Variants in SPATA32 observed in about 807,000 individuals in gnomAD.
The protein encoded by SPATA32 is spermatogenesis-associated protein 32.
A neutral mutation model predicts 35.4 loss-of-function variants in SPATA32; 28 were observed. The observed-to-expected ratio is 0.79, with a 90% CI of 0.59 to 1.09. SPATA32 has a LOEUF of 1.09. Among genes scored for constraint, SPATA32 ranks in the 50% least tolerant of loss-of-function variants. The pLI is 0.00. For missense variants in SPATA32, 409 were observed against 475.9 expected (o/e 0.86, Z 1.31); for synonymous variants, 168 against 196.3 (o/e 0.86, Z 1.20).
intron 1 of SPATA32, chr17:45,261,733 T>A: frequency 2.6e-6 from 1 of 382,434 alleles, no homozygotes; most frequent in East Asian, 3.8e-5. Context: ...CAAGAACCAC[T>A]GACTCTGCAG....
rs767947403 is a variant in SPATA32 at position 45,255,437 on chromosome 17, C to T, written c.745G>A (p.Ala249Thr). 4 of 1,614,088 alleles carry T rather than the reference C, an allele frequency of 2.5e-6. 1 individual carries two copies. In the South Asian group the frequency reaches 4.4e-5, roughly 18 times the overall value. ...TELITFASSLAMASSSRMDLP... is the reference protein window; with the variant it reads ...TELITFASSLTMASSSRMDLP... ...TCCATCCTGCTGGAGGAGGCCATGGCCAGGGAAGATGCAAAGGTGATTAGC... is the reference window on the plus strand; with the variant it reads ...TCCATCCTGCTGGAGGAGGCCATGGTCAGGGAAGATGCAAAGGTGATTAGC... The change falls in exon 4 of 5, where the codon GCC (alanine) becomes ACC (threonine). Residue 249 changes from alanine (A) to threonine (T), a missense_variant. Coordinates refer to ENST00000331780, the MANE Select transcript of SPATA32 (RefSeq NM_152343.3). This position sits in a 1 kb window ranked among gnomAD's most constrained non-coding sequence, Gnocchi z 5.4.
rs1455853392 is a variant in SPATA32, at chr17:45,255,506, G to T, written c.676C>A (p.Pro226Thr). 1 of 1,614,130 alleles carries T rather than the reference G, an allele frequency of 6.2e-7. No homozygotes were observed. The highest frequency in any genetic ancestry group is 1.1e-5 in the South Asian group (1 of 91,082). ...GGCGGGAGATCTGAGGACAGGAGGGGGCTTGGTGCCTGGGAGCTTGTGGTT... is the reference window on the plus strand; with the variant it reads ...GGCGGGAGATCTGAGGACAGGAGGGTGCTTGGTGCCTGGGAGCTTGTGGTT... The part of the protein sequence containing the change: ...PPTTSSQAPS[P>T]LLSSDLPPPI... Residue 226 changes from proline to threonine, a missense_variant, in exon 4 of 5, where the codon CCC (proline) becomes ACC (threonine). Coordinates refer to ENST00000331780, the MANE Select transcript of SPATA32 (RefSeq NM_152343.3). The surrounding 1 kb of genome is among the most constrained non-coding windows in gnomAD (Gnocchi z 5.4).
At position 45,256,239 on chromosome 17, in the gene SPATA32, GGT is replaced by G. The variant is rs1421735404; in HGVS notation, c.108+135_108+136del. 107 of 1,199,868 alleles carry G rather than the reference GGT, an allele frequency of 8.9e-5. No homozygotes were observed. Among genetic ancestry groups the G allele is most frequent in the Non-Finnish European group, 1.1e-4 (92 of 814,452 alleles). 74.3% of individuals were successfully genotyped at this position (1,199,868 alleles called of 1,614,324 possible). The stretch of plus-strand genomic sequence containing the variant: ...CTCTCAGAGACCTGCCCGGTGAGGG[GGT>G]GTGTGTGTGGGTGTACCCACACCGG... On this transcript the variant is annotated intron_variant, in intron 3 of 4. Coordinates refer to ENST00000331780, the MANE Select transcript of SPATA32 (RefSeq NM_152343.3). The surrounding 1 kb of genome is among the most constrained non-coding windows in gnomAD (Gnocchi z 4.7).
Position 45,256,058 on chromosome 17 carries a change from G to A in SPATA32, c.124C>T (p.Leu42=). 1 of 1,603,438 alleles carries A rather than the reference G, an allele frequency of 6.2e-7. No individual in the cohort carries two copies. The highest frequency in any genetic ancestry group is 2.2e-5 in the East Asian group (1 of 44,578). Residue 42 remains leucine, a synonymous_variant, in exon 4 of 5, where the codon CTA becomes TTA. Transcript: ENST00000331780. The surrounding 1 kb of genome is among the most constrained non-coding windows in gnomAD (Gnocchi z 4.7). ...QEEQELEADM[L]EQKPQLQVDL... is the part of the protein sequence containing the mutation. ...ACTTGGAGTTGGGGCTTCTGCTCTAGCATGTCTGCCTCCAGCTGAAATGTT... is the reference window on the plus strand; with the variant it reads ...ACTTGGAGTTGGGGCTTCTGCTCTAACATGTCTGCCTCCAGCTGAAATGTT...
In SPATA32 at chr17:45,255,764, TCTC is replaced by T; in HGVS notation, c.415_417del (p.Glu139del). ...GAGTGATGGCAGGCAGACACGTGGT[TCTC>T]CTCCGTGAAACTCCGGCAGTTTGAA... On this transcript the variant is annotated inframe_deletion, in exon 4 of 5. Coordinates refer to ENST00000331780, the MANE Select transcript of SPATA32 (RefSeq NM_152343.3). This position sits in a 1 kb window ranked among gnomAD's most constrained non-coding sequence, Gnocchi z 5.4. 4 of 1,613,926 alleles carry T rather than the reference TCTC, an allele frequency of 2.5e-6. No homozygotes were observed. Among genetic ancestry groups the T allele is most frequent in the Non-Finnish European group, 3.4e-6 (4 of 1,179,922 alleles).
At chr17:45,257,872 G>C (rs1348605518) in intron 1 of SPATA32, among the ~76,000 whole-genome samples, 1 of 152,212 alleles carries the variant, frequency 6.6e-6, no homozygotes, top group African/African-American at 2.4e-5. Context: ...AGGGGAGACT[G>C]ACTCCTTGGG....
chr17:45,259,344 T>C (rs2043984626), intron 1 of SPATA32, among the ~76,000 whole-genome samples: 1 of 152,160 alleles, frequency 6.6e-6, no homozygotes, highest in South Asian at 2.1e-4. Context: ...TTAGTTTTAA[T>C]TAGGAATGGA....
At chr17:45,261,947 A>T (rs1457019400) in intron 1 of SPATA32, 57 bp downstream of exon 1, 43 of 1,301,486 alleles carry the variant, frequency 3.3e-5, no homozygotes, top group Non-Finnish European at 4.2e-5. Context: ...TCCCCCTCTC[A>T]CTTTCGCTTT....
rs750044983 is a variant in SPATA32 at position 45,255,270 on chromosome 17, T to C, written c.912A>G (p.Arg304=). ...CCTGACTCCAAGATTTCAGTGGTGC[T>C]CTGGCTTCGCGTGGTTTCTCTGGCA... ...ETLPEKPREA[R]APLKSWSQED... is the part of the protein sequence containing the mutation. The change falls in exon 4 of 5, where the codon AGA becomes AGG. Residue 304 remains arginine, a synonymous_variant. Transcript: ENST00000331780. The surrounding 1 kb of genome is among the most constrained non-coding windows in gnomAD (Gnocchi z 5.4). 1.2e-6 allele frequency: 2 copies of C among 1,614,238 alleles called. No individual in the cohort carries two copies. Among genetic ancestry groups the C allele is most frequent in the South Asian group, 2.2e-5 (2 of 91,086 alleles).
At chr17:45,258,528 TG>T (rs898699790) in intron 1 of SPATA32, among the ~76,000 whole-genome samples, 1 of 152,220 alleles carries the variant, frequency 6.6e-6, no homozygotes, top group African/African-American at 2.4e-5. Context: ...TTAACAGCAC[TG>T]GGGGCTGGGA....
In SPATA32 at chr17:45,255,620, T is replaced by TG; in HGVS notation, c.561dup (p.Ile188HisfsTer24). On this transcript the variant is annotated frameshift_variant, in exon 4 of 5. Transcript: ENST00000331780. LOFTEE classifies it high-confidence loss of function. This position sits in a 1 kb window ranked among gnomAD's most constrained non-coding sequence, Gnocchi z 5.4. ...ATGGCCTCCCGGAGCGGGGATCTGA[T>TG]GGGCTGGCCTGCGCTGCCATTGTTG... is the stretch of plus-strand genomic sequence containing the variant. 6.2e-7 allele frequency: 1 copy of TG among 1,613,952 alleles called. No individual in the cohort carries two copies. The highest frequency in any genetic ancestry group is 8.5e-7 in the Non-Finnish European group (1 of 1,180,012).
In SPATA32 at chr17:45,254,399, A is replaced by G. The variant is rs761893147; in HGVS notation, c.*27T>C. ...ACAAAAGTCTAAGCCGACGGCCAGC[A>G]CTGGAGGCTTTATTGGTTCTGTCTA... On this transcript the variant is annotated 3_prime_UTR_variant, in exon 5 of 5. Coordinates refer to ENST00000331780, the MANE Select transcript of SPATA32 (RefSeq NM_152343.3). The G allele has an allele frequency of 6.2e-7, 1 of 1,607,448 alleles. No homozygotes were observed. The highest frequency in any genetic ancestry group is 1.1e-5 in the South Asian group (1 of 90,958).
At chr17:45,258,352 C>T (rs928580441) in intron 1 of SPATA32, among the ~76,000 whole-genome samples, 1 of 152,178 alleles carries the variant, frequency 6.6e-6, no homozygotes. Flanking sequence ...CCCTCTCCAA[C>T]TCCCCCTGTC....
In SPATA32 at chr17:45,255,201, C is replaced by T. The variant is rs79215698; in HGVS notation, c.981G>A (p.Pro327=). The change falls in exon 4 of 5, where the codon CCG becomes CCA. Residue 327 remains proline (P), a synonymous_variant. Coordinates refer to ENST00000331780, the MANE Select transcript of SPATA32 (RefSeq NM_152343.3). The surrounding 1 kb of genome is among the most constrained non-coding windows in gnomAD (Gnocchi z 5.4). Reference sequence around the variant, plus strand: ...CTTTGATGGTGGCCCTCTTGATCCCCGGCTTGCTGAAGTCAAAGTAAGATT... The same window carrying T: ...CTTTGATGGTGGCCCTCTTGATCCCTGGCTTGCTGAAGTCAAAGTAAGATT... ...FAQSYFDFSK[P]GIKRATIKGQ... is the part of the protein sequence containing the mutation. 2,886 of 1,614,216 alleles carry T rather than the reference C, an allele frequency of 1.8e-3. 37 individuals are homozygous for T. In the African/African-American group the frequency reaches 0.031, roughly 18 times the overall value.
Position 45,255,898 on chromosome 17 carries a change from T to G in SPATA32, c.284A>C (p.Glu95Ala). Residue 95 changes from glutamate to alanine, a missense_variant, in exon 4 of 5, where the codon GAG (glutamate) becomes GCG (alanine). Coordinates refer to ENST00000331780, the MANE Select transcript of SPATA32 (RefSeq NM_152343.3). This position sits in a 1 kb window ranked among gnomAD's most constrained non-coding sequence, Gnocchi z 5.4. ...CATGGGTTCTTCAAAGTCAGACTCCTCGTTCGAGTTGGCTTCCGTGTCCAG... is the reference window on the plus strand; with the variant it reads ...CATGGGTTCTTCAAAGTCAGACTCCGCGTTCGAGTTGGCTTCCGTGTCCAG... The part of the protein sequence containing the change: ...AELDTEANSN[E>A]ESDFEEPMQL... 1 of 1,614,154 alleles carries G rather than the reference T, an allele frequency of 6.2e-7. No individual in the cohort carries two copies. Among genetic ancestry groups the G allele is most frequent in the Non-Finnish European group, 8.5e-7 (1 of 1,180,028 alleles).
At chr17:45,261,898 G>T (rs574509725) in intron 1 of SPATA32, 106 bp downstream of exon 1, 29 of 1,197,340 alleles carry the variant, frequency 2.4e-5, no homozygotes, top group Admixed American at 1.1e-4. Flanking sequence ...GCAGGGGAAC[G>T]GGCCCTGGGC....
Position 45,256,240 on chromosome 17 carries a change from G to C in SPATA32, c.108+136C>G. On this transcript the variant is annotated intron_variant, in intron 3 of 4. Transcript: ENST00000331780. This position sits in a 1 kb window ranked among gnomAD's most constrained non-coding sequence, Gnocchi z 4.7. ...TCTCAGAGACCTGCCCGGTGAGGGG[G>C]TGTGTGTGTGGGTGTACCCACACCG... 3 of 1,166,714 alleles carry C rather than the reference G, an allele frequency of 2.6e-6. No homozygotes were observed. Among genetic ancestry groups the C allele is most frequent in the South Asian group, 2.6e-5 (2 of 76,962 alleles). The allele number at this position is 1,166,714 out of a possible 1,614,324, so 72.3% of individuals were successfully genotyped here. A position where few individuals can be genotyped will look rare whatever the true frequency, so the allele number is the denominator to read the frequency against.
Position 45,255,960 on chromosome 17 carries a change from C to T in SPATA32, c.222G>A (p.Glu74=). Residue 74 remains glutamate, a synonymous_variant, in exon 4 of 5, where the codon GAG becomes GAA. Transcript: ENST00000331780. The surrounding 1 kb of genome is among the most constrained non-coding windows in gnomAD (Gnocchi z 5.4). ...GCTTGAGGGCTGGGTATAGCTCTGA[C>T]TCCAGTAAAGCCGGCACCTGTCCGA... is the stretch of plus-strand genomic sequence containing the variant. The part of the protein sequence containing the change: ...LEIGQVPALL[E]SELYPALKLE... The T allele has an allele frequency of 6.2e-7, 1 of 1,614,132 alleles. No individual in the cohort carries two copies. The highest frequency in any genetic ancestry group is 2.2e-5 in the East Asian group (1 of 44,882).
In SPATA32 at chr17:45,255,057, C is replaced by A. The variant is rs939771173; in HGVS notation, c.1067+58G>T. ...CCACCCCTACCCAGCTGTGTGAGGA[C>A]CCCTGCCACGTTCTAGCACAGCCCC... On this transcript the variant is annotated intron_variant, in intron 4 of 4. Transcript: ENST00000331780. The surrounding 1 kb of genome is among the most constrained non-coding windows in gnomAD (Gnocchi z 5.4). 1.3e-6 allele frequency: 2 copies of A among 1,544,828 alleles called. No homozygotes were observed. The highest frequency in any genetic ancestry group is 1.4e-5 in the African/African-American group (1 of 73,448).
Sources: gnomAD v4.1 joint callset for allele counts (sites outside exome capture counted in the v4.1 genomes callset) on GRCh38, gnomAD v4.1.1 for gene constraint, Gnocchi (gnomAD v3.1) non-coding constraint, MANE v1.5 for transcripts, NCBI Gene and HGNC (gene_info 2026-07-23, HGNC 2026-07-21) for gene names.